ROR2: variants seen among roughly 807,000 people sequenced by gnomAD.
The protein encoded by ROR2 is tyrosine-protein kinase transmembrane receptor ROR2.
Under a neutral mutation model 74.9 loss-of-function variants are expected in ROR2, and 33 were observed. The observed-to-expected ratio is 0.44, with a 90% CI of 0.33 to 0.59. The LOEUF (loss-of-function observed/expected upper bound fraction) is 0.59, where lower values mean the gene tolerates loss of function less well. Among genes scored for constraint, ROR2 ranks in the 20% least tolerant of loss-of-function variants. ROR2 has a pLI of 0.02. For synonymous variants in ROR2, 586 were observed against 558.7 expected, an observed-to-expected ratio of 1.05 and a Z score of -0.69; for missense variants, 1,216 against 1,313.8, an observed-to-expected ratio of 0.93 and a Z score of 1.15.
chr9:91,754,085 G>GAGGT (rs1825667161), intron 4 of ROR2, among the ~76,000 whole-genome samples: 1 of 152,082 alleles, frequency 6.6e-6, no homozygotes, highest in Non-Finnish European at 1.5e-5. Flanking sequence ...GGAAGGATGG[G>GAGGT]AGGTCAGGCG....
chr9:91,742,243 A>G (rs1246195655), intron 4 of ROR2, among the ~76,000 whole-genome samples: 2 of 152,304 alleles, frequency 1.3e-5, no homozygotes, highest in East Asian at 3.9e-4. Context: ...ACAGCACAGG[A>G]AAGACCGACC....
At chr9:91,731,987 G>A (rs1377521866) in intron 6 of ROR2, among the ~76,000 whole-genome samples, 1 of 152,094 alleles carries the variant, frequency 6.6e-6, no homozygotes, top group Non-Finnish European at 1.5e-5. Flanking sequence ...AGCCCCACGG[G>A]TTAGTACTGG....
intron 2 of ROR2, among the ~76,000 whole-genome samples, chr9:91,764,841 T>TA (rs1826014559): frequency 6.6e-6 from 1 of 152,168 alleles, no homozygotes; most frequent in African/African-American, 2.4e-5. Flanking sequence ...ACGTGAATGA[T>TA]AGTTTCGTTG....
At chr9:91,825,235 T>TA (rs1828251641) in intron 1 of ROR2, among the ~76,000 whole-genome samples, 1 of 151,990 alleles carries the variant, frequency 6.6e-6, no homozygotes, top group Admixed American at 6.5e-5. Flanking sequence ...GCAATAAAGT[T>TA]AAAGCTTGCT....
chr9:91,939,687 TTGTG>T (rs1308099588), intron 1 of ROR2, among the ~76,000 whole-genome samples: 1 of 152,058 alleles, frequency 6.6e-6, no homozygotes, highest in African/African-American at 2.4e-5. Context: ...ATTGAGTATT[TTGTG>T]TTTGTTACTG....
At chr9:91,819,339 G>A (rs991979994) in intron 1 of ROR2, among the ~76,000 whole-genome samples, 7 of 152,220 alleles carry the variant, frequency 4.6e-5, no homozygotes, top group African/African-American at 1.7e-4. Context: ...CAACCTTCGG[G>A]GCTACAGGCA....
At chr9:91,863,441 A>ACATC (rs1829532647) in intron 1 of ROR2, among the ~76,000 whole-genome samples, 1 of 152,300 alleles carries the variant, frequency 6.6e-6, no homozygotes, top group Admixed American at 6.5e-5. Flanking sequence ...AAAAGTAAAA[A>ACATC]CATCCCCACT....
Position 91,936,801 on chromosome 9 carries a change from C to T in ROR2, c.97+13066G>A, listed in dbSNP as rs1248864253. Among the ~76,000 whole-genome samples the T allele has an allele frequency of 8.6e-5, 13 of 151,996 alleles. No individual in the cohort carries two copies. In the East Asian group the frequency reaches 1.4e-3, roughly 16 times the overall value. On this transcript the variant is annotated intron_variant, in intron 1 of 8. Transcript: ENST00000375708. ...ATCCCAGCACTTTGGGAGGCCGAGGCGGGCGGATCACGAGGTCAGGAGATC... is the reference window on the plus strand; with the variant it reads ...ATCCCAGCACTTTGGGAGGCCGAGGTGGGCGGATCACGAGGTCAGGAGATC...
At chr9:91,929,438 C>G (rs1349542585) in intron 1 of ROR2, among the ~76,000 whole-genome samples, 1 of 152,200 alleles carries the variant, frequency 6.6e-6, no homozygotes, top group Non-Finnish European at 1.5e-5. Flanking sequence ...GAGGATAAGA[C>G]AAGTGCATCA....
At chr9:91,743,032 A>C (rs1825299547) in intron 4 of ROR2, among the ~76,000 whole-genome samples, 1 of 152,356 alleles carries the variant, frequency 6.6e-6, no homozygotes, top group Middle Eastern at 3.4e-3. Flanking sequence ...CTAGGTGTGC[A>C]GTAGGGGAAA....
intron 1 of ROR2, among the ~76,000 whole-genome samples, chr9:91,895,747 A>G (rs1199032974): frequency 6.6e-6 from 1 of 152,290 alleles, no homozygotes; most frequent in East Asian, 1.9e-4. Context: ...GGAGGCTGAC[A>G]CGGGAGAATT....
rs1836915979 is a variant in ROR2 at position 91,724,250 on chromosome 9, G to C, written c.2244C>G (p.Ala748=). The C allele has an allele frequency of 6.2e-7, 1 of 1,613,488 alleles. No individual in the cohort carries two copies. Among genetic ancestry groups the C allele is most frequent in the Non-Finnish European group, 8.5e-7 (1 of 1,180,036 alleles). The change falls in exon 9 of 9, where the codon GCC becomes GCG. Residue 748 remains alanine, a synonymous_variant. Coordinates refer to ENST00000375708, the MANE Select transcript of ROR2 (RefSeq NM_004560.4). ...RFKDIHSRLR[A]WGNLSNYNSS... ...TGTTGTAGTTGGAAAGGTTGCCCCA[G>C]GCTCGGAGCCGGCTGTGGATGTCCT... is the stretch of plus-strand genomic sequence containing the variant.
chr9:91,776,569 A>C (rs1309587668), intron 1 of ROR2, among the ~76,000 whole-genome samples: 2 of 152,216 alleles, frequency 1.3e-5, no homozygotes, highest in Non-Finnish European at 2.9e-5. Flanking sequence ...GGTAAACCAC[A>C]TGGGGACAGC....
chr9:91,936,826 C>T (rs1052723046), intron 1 of ROR2, among the ~76,000 whole-genome samples: 1 of 151,500 alleles, frequency 6.6e-6, no homozygotes, highest in Non-Finnish European at 1.5e-5. Context: ...GTCAGGAGAT[C>T]GAGACCATCC....
intron 2 of ROR2, among the ~76,000 whole-genome samples, chr9:91,768,899 A>T (rs758821886): frequency 1.3e-5 from 2 of 152,166 alleles, no homozygotes; most frequent in Non-Finnish European, 2.9e-5. Flanking sequence ...AGCCAATAGG[A>T]GGATAAAGGG....
intron 2 of ROR2, among the ~76,000 whole-genome samples, chr9:91,760,862 T>C (rs927612006): frequency 6.6e-6 from 1 of 152,178 alleles, no homozygotes; most frequent in African/African-American, 2.4e-5. Flanking sequence ...AGCTTTGTAA[T>C]TTTCTTAATA....
At chr9:91,780,426 A>C (rs1826579053) in intron 1 of ROR2, among the ~76,000 whole-genome samples, 1 of 152,006 alleles carries the variant, frequency 6.6e-6, no homozygotes, top group South Asian at 2.1e-4. Context: ...CATCAAACAA[A>C]ACTCTTCTGA....
At chr9:91,835,162 T>C (rs914422268) in intron 1 of ROR2, among the ~76,000 whole-genome samples, 9 of 152,104 alleles carry the variant, frequency 5.9e-5, no homozygotes, top group Non-Finnish European at 1.2e-4. Context: ...GAAGCCTCTC[T>C]CCACAACCTG....
At chr9:91,849,941 T>G (rs752532186) in intron 1 of ROR2, among the ~76,000 whole-genome samples, 1 of 152,240 alleles carries the variant, frequency 6.6e-6, no homozygotes, top group Non-Finnish European at 1.5e-5. Context: ...GCACTAATAT[T>G]CCATATTTAT....
Sources: gnomAD v4.1 joint callset for allele counts (sites outside exome capture counted in the v4.1 genomes callset) on GRCh38, gnomAD v4.1.1 for gene constraint, MANE v1.5 for transcripts, NCBI Gene and HGNC (gene_info 2026-07-23, HGNC 2026-07-21) for gene names.